Variants in PCDH15 observed in about 807,000 individuals in gnomAD.
PCDH15 encodes the protein protocadherin-15.
PCDH15 carries 129 observed loss-of-function variants against 178.5 expected under a neutral mutation model. The observed-to-expected ratio is 0.72, with a 90% CI of 0.63 to 0.84. The LOEUF (loss-of-function observed/expected upper bound fraction) is 0.84. Among genes scored for constraint, PCDH15 ranks in the 40% least tolerant of loss-of-function variants. PCDH15 has a pLI of 0.00. For synonymous variants in PCDH15, 800 were observed against 732.0 expected, an observed-to-expected ratio of 1.09 and a Z score of -1.50; for missense variants, 2,230 against 2,099.9, an observed-to-expected ratio of 1.06 and a Z score of -1.21.
chr10:53,982,982 T>G (rs1394505403), intron 21 of PCDH15, among the ~76,000 whole-genome samples: 1 of 152,124 alleles, frequency 6.6e-6, no homozygotes, highest in Non-Finnish European at 1.5e-5. Flanking sequence ...TTCATAGTTA[T>G]AGCAATCACA....
At chr10:54,233,002 C>G (rs1327501103) in intron 9 of PCDH15, among the ~76,000 whole-genome samples, 1 of 145,494 alleles carries the variant, frequency 6.9e-6, no homozygotes, top group Non-Finnish European at 1.5e-5. Context: ...ATGATGTGAT[C>G]GTAGCTCACT....
At chr10:54,254,407 A>C (rs1197569250) in intron 8 of PCDH15, among the ~76,000 whole-genome samples, 1 of 152,130 alleles carries the variant, frequency 6.6e-6, no homozygotes, top group Admixed American at 6.6e-5. Flanking sequence ...AGGAGCGAAA[A>C]TAAAGGTTCA....
At chr10:55,232,640 T>C (rs893053932) in intron 1 of PCDH15, among the ~76,000 whole-genome samples, 11 of 152,084 alleles carry the variant, frequency 7.2e-5, no homozygotes, top group African/African-American at 2.4e-4. Context: ...TAACTTCCAA[T>C]TGGGATGCTC....
chr10:55,082,113 T>C (rs542116301), intron 2 of PCDH15, among the ~76,000 whole-genome samples: 4 of 152,166 alleles, frequency 2.6e-5, no homozygotes, highest in Non-Finnish European at 5.9e-5. Flanking sequence ...ATCTAACTGC[T>C]GCAGAATACA....
intron 26 of PCDH15, among the ~76,000 whole-genome samples, chr10:53,896,345 A>T (rs2081949779): frequency 6.6e-6 from 1 of 152,164 alleles, no homozygotes; most frequent in East Asian, 1.9e-4. Context: ...AGTATTCATC[A>T]CTTTTTCTAT....
At chr10:54,544,772 A>T (rs1439623625) in intron 2 of PCDH15, among the ~76,000 whole-genome samples, 1 of 152,164 alleles carries the variant, frequency 6.6e-6, no homozygotes, top group African/African-American at 2.4e-5. Flanking sequence ...AAAAGAGGGT[A>T]AAACTACTAA....
intron 2 of PCDH15, among the ~76,000 whole-genome samples, chr10:55,005,634 C>T (rs913173815): frequency 5.3e-5 from 8 of 152,102 alleles, no homozygotes; most frequent in Non-Finnish European, 1.2e-4. Flanking sequence ...TTGACTTCCA[C>T]ATTTTTTTCC....
chr10:53,842,813 A>G (rs1030435446), intron 28 of PCDH15, among the ~76,000 whole-genome samples: 1 of 152,198 alleles, frequency 6.6e-6, no homozygotes, highest in African/African-American at 2.4e-5. Context: ...CGCAAACAGG[A>G]GTACCTAGTT....
At chr10:55,073,309 G>A (rs1204805189) in intron 2 of PCDH15, among the ~76,000 whole-genome samples, 1 of 152,010 alleles carries the variant, frequency 6.6e-6, no homozygotes, top group African/African-American at 2.4e-5. Flanking sequence ...AAGTCAAATT[G>A]TCCCTGTTTG....
At chr10:53,946,439 T>C (rs36057687) in intron 23 of PCDH15, among the ~76,000 whole-genome samples, 5 of 152,160 alleles carry the variant, frequency 3.3e-5, no homozygotes, top group Admixed American at 1.3e-4. Context: ...TTACTGCCTC[T>C]ATATGTTTAA....
chr10:54,363,500 C>T (rs1341751170), intron 5 of PCDH15, among the ~76,000 whole-genome samples: 4 of 151,982 alleles, frequency 2.6e-5, no homozygotes, highest in Non-Finnish European at 5.9e-5. Flanking sequence ...AATGGTAATC[C>T]AGCACCAGCA....
intron 1 of PCDH15, among the ~76,000 whole-genome samples, chr10:55,282,314 T>C (rs968771656): frequency 6.6e-6 from 1 of 152,172 alleles, no homozygotes; most frequent in Non-Finnish European, 1.5e-5. Context: ...TCATCTCTCA[T>C]TTTCACCTGG....
chr10:55,388,312 T>C (rs564370706), intron 2 of PCDH15, among the ~76,000 whole-genome samples: 1 of 152,034 alleles, frequency 6.6e-6, no homozygotes, highest in Non-Finnish European at 1.5e-5. Flanking sequence ...GATCTATAAC[T>C]CTTAGGAGCT....
At chr10:55,560,563 T>C (rs1019270164) in intron 2 of PCDH15, among the ~76,000 whole-genome samples, 1 of 151,926 alleles carries the variant, frequency 6.6e-6, no homozygotes, top group Non-Finnish European at 1.5e-5. Flanking sequence ...ACACCATATA[T>C]CCAAAAGTAA....
At chr10:54,093,188 G>C (rs1378516558) in intron 15 of PCDH15, among the ~76,000 whole-genome samples, 2 of 152,030 alleles carry the variant, frequency 1.3e-5, no homozygotes, top group Non-Finnish European at 1.5e-5. Flanking sequence ...TTTAAGGATT[G>C]TGAATGTCAA....
At chr10:53,885,856 G>A (rs2081057520) in intron 26 of PCDH15, among the ~76,000 whole-genome samples, 1 of 152,052 alleles carries the variant, frequency 6.6e-6, no homozygotes, top group Non-Finnish European at 1.5e-5. Context: ...CTTAATGGAG[G>A]AATCTATTAT....
intron 2 of PCDH15, among the ~76,000 whole-genome samples, chr10:55,342,707 T>C (rs1335818337): frequency 6.6e-6 from 1 of 152,192 alleles, no homozygotes; most frequent in African/African-American, 2.4e-5. Flanking sequence ...TAAAATATGA[T>C]GGACTCCTTA....
intron 2 of PCDH15, among the ~76,000 whole-genome samples, chr10:54,607,686 G>A (rs1429416296): frequency 6.6e-6 from 1 of 151,812 alleles, no homozygotes; most frequent in Non-Finnish European, 1.5e-5. Flanking sequence ...GAGGGTAATG[G>A]AGATTTTAAA....
chr10:54,419,829 T>C (rs554052870), intron 3 of PCDH15, among the ~76,000 whole-genome samples: 3 of 152,076 alleles, frequency 2.0e-5, no homozygotes, highest in East Asian at 3.9e-4. Flanking sequence ...AGAACATGAG[T>C]GCAGATTTTT....
Sources: gnomAD v4.1 joint callset for allele counts (sites outside exome capture counted in the v4.1 genomes callset) on GRCh38, gnomAD v4.1.1 for gene constraint, MANE v1.5 for transcripts, NCBI Gene and HGNC (gene_info 2026-07-23, HGNC 2026-07-21) for gene names.